Variants in MPDZ observed in about 807,000 individuals in gnomAD.
The protein encoded by MPDZ is multiple PDZ domain crumbs cell polarity complex component.
Under a neutral mutation model 239.1 loss-of-function variants are expected in MPDZ, and 234 were observed. The observed-to-expected ratio is 0.98, with a 90% CI of 0.88 to 1.09. MPDZ has a LOEUF of 1.09. Among genes scored for constraint, MPDZ ranks in the 50% least tolerant of loss-of-function variants. MPDZ has a pLI of 0.00. For synonymous variants in MPDZ, 1,048 were observed against 881.3 expected (o/e 1.19, Z -3.35); for missense variants, 3,175 against 2,510.0 (o/e 1.26, Z -5.66).
chr9:13,265,387 T>A (rs1246038027), intron 1 of MPDZ, among the ~76,000 whole-genome samples: 2 of 152,126 alleles, frequency 1.3e-5, no homozygotes, highest in Non-Finnish European at 2.9e-5. Flanking sequence ...CTGACCAATA[T>A]GGAGAAATCC....
rs777889959 is a variant in MPDZ, at chr9:13,272,387, G to A, written c.-58+7013C>T. ...AATACTTTGTGACTTAGTCTAACCC[G>A]ATATATATTCAATAGATTAAATCAG... On this transcript the variant is annotated intron_variant, in intron 1 of 46. Coordinates refer to ENST00000319217, the MANE Select transcript of MPDZ (RefSeq NM_001378778.1). Among the ~76,000 whole-genome samples the A allele has an allele frequency of 3.8e-4, 58 of 152,080 alleles. 1 individual carries two copies. The highest frequency in any genetic ancestry group is 8.3e-4 in the South Asian group (4 of 4,820).
chr9:13,199,143 C>T (rs1956077403), intron 12 of MPDZ, among the ~76,000 whole-genome samples: 1 of 152,008 alleles, frequency 6.6e-6, no homozygotes, highest in Non-Finnish European at 1.5e-5. Context: ...AGTCCATGAT[C>T]ATAGAATATC....
intron 24 of MPDZ, 44 bp from the exon 25 acceptor site, chr9:13,150,732 G>A: frequency 8.0e-7 from 1 of 1,242,910 alleles, no homozygotes; most frequent in South Asian, 3.5e-5. Context: ...AAAATCATAA[G>A]GGTAAAGCTT....
chr9:13,206,087 T>A lies in MPDZ; in HGVS notation c.1303A>T (p.Asn435Tyr), dbSNP rs1347671957. The change falls in exon 11 of 47, where the codon AAC becomes TAC. Residue 435 changes from asparagine (N) to tyrosine (Y), a missense_variant. Coordinates refer to ENST00000319217, the MANE Select transcript of MPDZ (RefSeq NM_001378778.1). ...TGCTGATTAGTAAAACCCTGAAGGT[T>A]TGTGCCATCTACCTGTGATTAAAAA... is the stretch of plus-strand genomic sequence containing the variant. ...GDQIIAVDGT[N>Y]LQGFTNQQAV... 6.2e-7 allele frequency: 1 copy of A among 1,605,804 alleles called. No homozygotes were observed.
intron 1 of MPDZ, among the ~76,000 whole-genome samples, chr9:13,256,863 C>G (rs1969562774): frequency 6.6e-6 from 1 of 152,130 alleles, no homozygotes; most frequent in South Asian, 2.1e-4. Context: ...TTGCTTGACA[C>G]AGAGTTGCCA....
At chr9:13,223,973 G>A (rs41311432) in intron 4 of MPDZ, among the ~76,000 whole-genome samples, 1,848 of 152,146 alleles carry the variant, frequency 0.012, 22 homozygotes, top group Middle Eastern at 0.051. Context: ...ATTTGGGACT[G>A]TAGTGAGCTA....
At position 13,109,932 on chromosome 9, in the gene MPDZ, A is replaced by G. The variant is rs1428249256; in HGVS notation, c.5942+20T>C. On this transcript the variant is annotated intron_variant, in intron 45 of 46. Coordinates refer to ENST00000319217, the MANE Select transcript of MPDZ (RefSeq NM_001378778.1). ...TTCATAAGTGAAAAATGATACACTA[A>G]TCATCATGTATGAACTCACCCTAAA... 1 of 1,574,512 alleles carries G rather than the reference A, an allele frequency of 6.4e-7. No homozygotes were observed. The highest frequency in any genetic ancestry group is 1.3e-5 in the African/African-American group (1 of 74,150).
At chr9:13,261,769 T>C (rs769549393) in intron 1 of MPDZ, among the ~76,000 whole-genome samples, 9 of 151,162 alleles carry the variant, frequency 6.0e-5, no homozygotes, top group South Asian at 4.2e-4. Context: ...TGGTGGCTCA[T>C]ACCTGTAAGC....
At chr9:13,228,453 T>C (rs1961322812) in intron 3 of MPDZ, among the ~76,000 whole-genome samples, 1 of 152,152 alleles carries the variant, frequency 6.6e-6, no homozygotes, top group Non-Finnish European at 1.5e-5. Context: ...TCAGAACCAG[T>C]ATTGATTCAC....
Position 13,110,061 on chromosome 9 carries a change from C to T in MPDZ, c.5833G>A (p.Val1945Ile), listed in dbSNP as rs771243192. 8 of 1,611,794 alleles carry T rather than the reference C, an allele frequency of 5.0e-6. No homozygotes were observed. The highest frequency in any genetic ancestry group is 5.9e-6 in the Non-Finnish European group (7 of 1,178,860). Residue 1945 changes from valine to isoleucine, a missense_variant, in exon 45 of 47, where the codon GTT becomes ATT. Val to Ile is a conservative substitution (Grantham distance 29). Transcript: ENST00000319217. ...NASGSIEMQV[V>I]AGGDVSVVTG... ...ACCACACTCACGTCTCCTCCAGCAA[C>T]CACCTGCGCACAGGAGGAGGATAAA...
At chr9:13,145,480 G>C (rs1428097873) in intron 26 of MPDZ, among the ~76,000 whole-genome samples, 1 of 151,908 alleles carries the variant, frequency 6.6e-6, no homozygotes, top group Non-Finnish European at 1.5e-5. Flanking sequence ...GATTTCCTAG[G>C]AGCTTTATCC....
rs565588101 is a variant in MPDZ at position 13,112,462 on chromosome 9, C to T, written c.5602-316G>A. On this transcript the variant is annotated intron_variant, in intron 42 of 46. Transcript: ENST00000319217. The stretch of plus-strand genomic sequence containing the variant: ...AATCAGAGTCCTGTGTTCAAAGCCA[C>T]GAAGTCATACTTGCAAATGCTGGAA... Among the ~76,000 whole-genome samples, 12 of 152,242 alleles carry T rather than the reference C, an allele frequency of 7.9e-5. No homozygotes were observed. In the South Asian group the frequency reaches 1.7e-3, roughly 21 times the overall value.
rs886043499 is a variant in MPDZ at position 13,119,579 on chromosome 9, G to A, written c.5302C>T (p.Gln1768Ter). 1.9e-6 allele frequency: 3 copies of A among 1,613,934 alleles called. No homozygotes were observed. The highest frequency in any genetic ancestry group is 2.5e-6 in the Non-Finnish European group (3 of 1,179,826). ...GIADADGRLM[Q>*]GDQILMVNGE... Reference sequence around the variant, plus strand: ...TTCACCATTAATATCTGGTCTCCCTGCATCAGTCTTCCATCGGCATCTGCA... The same window carrying A: ...TTCACCATTAATATCTGGTCTCCCTACATCAGTCTTCCATCGGCATCTGCA... The change falls in exon 39 of 47, where the codon CAG (glutamine) becomes TAG (stop). Residue 1768 changes from glutamine (Q) to a stop codon, truncating the protein, a stop_gained. Transcript: ENST00000319217. LOFTEE classifies it high-confidence loss of function.
intron 3 of MPDZ, among the ~76,000 whole-genome samples, chr9:13,229,491 A>G (rs1462288643): frequency 2.0e-5 from 3 of 151,828 alleles, no homozygotes; most frequent in Admixed American, 1.3e-4. Context: ...AAAAACAATA[A>G]AGGTCAGATG....
intron 3 of MPDZ, among the ~76,000 whole-genome samples, chr9:13,232,419 G>A (rs1031898132): frequency 2.0e-5 from 3 of 152,072 alleles, no homozygotes; most frequent in African/African-American, 7.2e-5. Flanking sequence ...GACAATGCAA[G>A]GGAGAAAGGA....
chr9:13,153,470 G>A (rs1949449791), intron 24 of MPDZ, among the ~76,000 whole-genome samples: 1 of 152,026 alleles, frequency 6.6e-6, no homozygotes, highest in African/African-American at 2.4e-5. Flanking sequence ...TTGAGACAGG[G>A]TCTCATTCTG....
chr9:13,214,170 G>T (rs539519947), intron 10 of MPDZ, among the ~76,000 whole-genome samples: 6 of 152,070 alleles, frequency 3.9e-5, no homozygotes, highest in South Asian at 2.1e-4. Flanking sequence ...GAAACAACCC[G>T]AATGTCCATC....
intron 19 of MPDZ, among the ~76,000 whole-genome samples, chr9:13,181,935 CCAGA>C (rs1953395464): frequency 6.6e-6 from 1 of 152,108 alleles, no homozygotes; most frequent in African/African-American, 2.4e-5. Flanking sequence ...CAGGACACAG[CCAGA>C]CAGACAGTCT....
intron 18 of MPDZ, among the ~76,000 whole-genome samples, 184 bp from the exon 19 acceptor site, chr9:13,183,769 A>G (rs1326072653): frequency 2.0e-5 from 3 of 152,044 alleles, no homozygotes; most frequent in Non-Finnish European, 4.4e-5. Context: ...GCCCACCTAC[A>G]GCAGAAAGTG....
Sources: allele counts gnomAD v4.1 joint callset (sites outside exome capture counted in the v4.1 genomes callset), GRCh38; gene constraint gnomAD v4.1.1; transcripts MANE v1.5; gene names NCBI Gene and HGNC (gene_info 2026-07-23, HGNC 2026-07-21).